Variants in CELSR1 observed in about 807,000 individuals in gnomAD.
The protein encoded by CELSR1 is adhesion G protein-coupled receptor C1.
A neutral mutation model predicts 249.1 loss-of-function variants in CELSR1; 110 were observed. The ratio of observed to expected loss-of-function variants is 0.44; its 90% CI spans 0.38 to 0.52. CELSR1 has a LOEUF of 0.52. Ranked by LOEUF, CELSR1 falls within the 20% of genes least tolerant of loss-of-function variation. The pLI, the probability that CELSR1 is intolerant of heterozygous loss-of-function variation, is 0.00. For missense variants in CELSR1, 4,109 were observed against 4,296.4 expected (o/e 0.96, Z 1.22); for synonymous variants, 2,113 against 1,900.0 (o/e 1.11, Z -2.92).
intron 20 of CELSR1, 94 bp downstream of exon 20, chr22:46,384,449 C>A: frequency 7.2e-7 from 1 of 1,393,538 alleles, no homozygotes. Flanking sequence ...CCCAGATCTT[C>A]AGTGCGCAGG....
chr22:46,364,579 G>T lies in CELSR1; in HGVS notation c.8712C>A (p.Tyr2904Ter). 2 of 1,612,592 alleles carry T rather than the reference G, an allele frequency of 1.2e-6. No individual in the cohort carries two copies. The highest frequency in any genetic ancestry group is 1.7e-6 in the Non-Finnish European group (2 of 1,179,900). Reference protein sequence around the residue: ...REEQGSHRGEYPPDQESGGAA... With the variant: ...REEQGSHRGE The stretch of plus-strand genomic sequence containing the variant: ...CGCCCCCGCTCTCCTGGTCCGGGGG[G>T]TACTCTCCACGGTGACTGCCCTGCT... Residue 2904 changes from tyrosine (Y) to a stop codon, truncating the protein, a stop_gained, in exon 33 of 35, where the codon TAC (tyrosine) becomes TAA (stop). Coordinates refer to ENST00000674500, the MANE Select transcript of CELSR1 (RefSeq NM_001378328.1). LOFTEE classifies it high-confidence loss of function.
rs535396090 is a variant in CELSR1 at position 46,364,175 on chromosome 22, C to G, written c.8856G>C (p.Glu2952Asp). The change falls in exon 34 of 35, where the codon GAG becomes GAC. Residue 2952 changes from glutamate to aspartate, a missense_variant. Physicochemically the swap from Glu to Asp is conservative, Grantham distance 45. Transcript: ENST00000674500. ...GGCTCTGCTCACAGTCGGCCAGCTT[C>G]TCCCGGAGCCGGCCCTTCAGCGTCT... ...TEQTLKGRLR[E>D]KLADCEQSPT... 1.2e-6 allele frequency: 2 copies of G among 1,612,218 alleles called. No individual in the cohort carries two copies.
Position 46,401,045 on chromosome 22 carries a change from C to T in CELSR1, c.5227-1143G>A, listed in dbSNP as rs560856756. Among the ~76,000 whole-genome samples, 1 of 152,000 alleles carries T rather than the reference C, an allele frequency of 6.6e-6. No homozygotes were observed. Among genetic ancestry groups the T allele is most frequent in the Admixed American group, 6.6e-5 (1 of 15,242 alleles). ...TGTCTTATTCTACGGGAAAAAGGAT[C>T]AATCGCTTCATGGAGGTCAAGTAAG... is the stretch of plus-strand genomic sequence containing the variant. On this transcript the variant is annotated intron_variant, in intron 9 of 34. Coordinates refer to ENST00000674500, the MANE Select transcript of CELSR1 (RefSeq NM_001378328.1). This position sits in a 1 kb window ranked among gnomAD's most constrained non-coding sequence, Gnocchi z 4.7.
intron 9 of CELSR1, among the ~76,000 whole-genome samples, chr22:46,405,242 C>T (rs887819219): frequency 3.3e-5 from 5 of 151,050 alleles, no homozygotes; most frequent in Middle Eastern, 3.4e-3. Context: ...GGGTGGATCA[C>T]GAGGTCAGGA....
chr22:46,491,016 G>A (rs1212369408), intron 1 of CELSR1, among the ~76,000 whole-genome samples: 1 of 152,022 alleles, frequency 6.6e-6, no homozygotes, highest in Non-Finnish European at 1.5e-5. Context: ...GTCAGGAGAC[G>A]CCTGCAAATG....
chr22:46,363,252 G>A lies in CELSR1; in HGVS notation c.9036-5C>T, dbSNP rs376419463. 1.9e-4 allele frequency: 309 copies of A among 1,611,162 alleles called. No homozygotes were observed. Among genetic ancestry groups the A allele is most frequent in the Non-Finnish European group, 2.4e-4 (279 of 1,178,188 alleles). ...ATTGAAGTTTCATTACTGCCTCTGC[G>A]CGTGGGAAGAAGCCAGCAAGCAGGT... On this transcript the variant is annotated splice_polypyrimidine_tract_variant and splice_region_variant and intron_variant, in intron 34 of 34. Coordinates refer to ENST00000674500, the MANE Select transcript of CELSR1 (RefSeq NM_001378328.1). The surrounding 1 kb of genome is among the most constrained non-coding windows in gnomAD (Gnocchi z 4.3).
At position 46,534,995 on chromosome 22, in the gene CELSR1, C is replaced by T. The variant is rs1427286813; in HGVS notation, c.2176G>A (p.Gly726Ser). The T allele has an allele frequency of 5.6e-6, 9 of 1,611,996 alleles. No homozygotes were observed. Among genetic ancestry groups the T allele is most frequent in the Non-Finnish European group, 6.8e-6 (8 of 1,179,540 alleles). The change falls in exon 1 of 35, where the codon GGC (glycine) becomes AGC (serine). Residue 726 changes from glycine (G) to serine (S), a missense_variant. By Grantham distance (56) the Gly-to-Ser change is moderately conservative. Around this residue, in one of 7 missense-constraint regions of CELSR1, gnomAD observed 886 missense variants for 896.5 expected, o/e 0.99. Coordinates refer to ENST00000674500, the MANE Select transcript of CELSR1 (RefSeq NM_001378328.1). This position sits in a 1 kb window ranked among gnomAD's most constrained non-coding sequence, Gnocchi z 9.7. ...ANSVITYQLTGGNTRNRFALS... is the reference protein window; with the variant it reads ...ANSVITYQLTSGNTRNRFALS... ...GCAAAGCGGTTCCGGGTGTTGCCGC[C>T]TGTGAGCTGGTAGGTAATCACACTG...
In CELSR1 at chr22:46,464,134, G is replaced by C. The variant is rs779735693; in HGVS notation, c.3756C>G (p.Asp1252Glu). ...TCACGTTCAGGATGTTGGAGCTGAC[G>C]TCGGTGTCGTTCTGGACGTTGAAGA... ...VFVFNVQNDT[D>E]VSSNILNVTF... The change falls in exon 2 of 35, where the codon GAC becomes GAG. Residue 1252 changes from aspartate (D) to glutamate (E), a missense_variant. Around this residue, in one of 7 missense-constraint regions of CELSR1, gnomAD observed 141 missense variants for 209.4 expected, o/e 0.67. Transcript: ENST00000674500. This position sits in a 1 kb window ranked among gnomAD's most constrained non-coding sequence, Gnocchi z 8.5. 2.0e-5 allele frequency: 33 copies of C among 1,613,756 alleles called. No homozygotes were observed. The highest frequency in any genetic ancestry group is 1.2e-4 in the Admixed American group (7 of 60,014).
chr22:46,449,973 C>T (rs528867134), intron 2 of CELSR1, among the ~76,000 whole-genome samples: 1 of 152,168 alleles, frequency 6.6e-6, no homozygotes, highest in Admixed American at 6.5e-5. Context: ...CTCACACACA[C>T]TCACATGCAT....
At position 46,397,860 on chromosome 22, in the gene CELSR1, A is replaced by T; in HGVS notation, c.5527-12T>A. 6.5e-7 allele frequency: 1 copy of T among 1,534,810 alleles called. No individual in the cohort carries two copies. Among genetic ancestry groups the T allele is most frequent in the Non-Finnish European group, 8.8e-7 (1 of 1,135,326 alleles). On this transcript the variant is annotated splice_polypyrimidine_tract_variant and intron_variant, in intron 11 of 34. Transcript: ENST00000674500. ...CCCATCCTCACTCCCTGCATTAAGTAAACGGCACTGGGGCTACAGGAGCCC... is the reference window on the plus strand; with the variant it reads ...CCCATCCTCACTCCCTGCATTAAGTTAACGGCACTGGGGCTACAGGAGCCC...
chr22:46,462,431 T>C (rs1352569473), intron 2 of CELSR1, among the ~76,000 whole-genome samples: 1 of 151,518 alleles, frequency 6.6e-6, no homozygotes, highest in East Asian at 1.9e-4. Flanking sequence ...CCTCTCTCTC[T>C]CTGCTCCCCT....
rs1436453469 is a variant in CELSR1, at chr22:46,434,396, G to C, written c.4523-915C>G. 6.6e-6 allele frequency among the ~76,000 whole-genome samples: 1 copy of C among 152,244 alleles called. No individual in the cohort carries two copies. Among genetic ancestry groups the C allele is most frequent in the East Asian group, 1.9e-4 (1 of 5,180 alleles). On this transcript the variant is annotated intron_variant, in intron 4 of 34. Coordinates refer to ENST00000674500, the MANE Select transcript of CELSR1 (RefSeq NM_001378328.1). This position sits in a 1 kb window ranked among gnomAD's most constrained non-coding sequence, Gnocchi z 4.9. ...ACAGGTGCGGTGGGTACCAGGTCCC[G>C]GGCAGAGAATACCGTCTCCAGGGAA...
chr22:46,420,995 T>A (rs975718697), intron 5 of CELSR1, among the ~76,000 whole-genome samples: 1 of 151,764 alleles, frequency 6.6e-6, no homozygotes, highest in Admixed American at 6.6e-5. Context: ...GATACACGGG[T>A]GGGTGAGAGA....
intron 1 of CELSR1, chr22:46,481,387 A>T (rs528025271): frequency 1.9e-6 from 2 of 1,042,850 alleles, no homozygotes; most frequent in Non-Finnish European, 3.0e-6. Flanking sequence ...GAGCAGGTGC[A>T]TGTGGTCATC....
At position 46,445,165 on chromosome 22, in the gene CELSR1, C is replaced by T. The variant is rs185542411; in HGVS notation, c.4184-5754G>A. ...GAGCCAAGATCACACCACCATAGTC[C>T]AGTCTGGGTGACAAGAGCGAAACTC... On this transcript the variant is annotated intron_variant, in intron 2 of 34. Coordinates refer to ENST00000674500, the MANE Select transcript of CELSR1 (RefSeq NM_001378328.1). The surrounding 1 kb of genome is among the most constrained non-coding windows in gnomAD (Gnocchi z 4.4). Among the ~76,000 whole-genome samples the T allele has an allele frequency of 6.7e-4, 102 of 151,784 alleles. No individual in the cohort carries two copies. Among genetic ancestry groups the T allele is most frequent in the Middle Eastern group, 3.4e-3 (1 of 294 alleles).
In CELSR1 at chr22:46,410,385, C is replaced by T. The variant is rs747382157; in HGVS notation, c.4933+13G>A. ...CACTGCGGCAGCTCCGACGCCCTGA[C>T]GGCCACCCGTACCTTCCCGGGTGCC... On this transcript the variant is annotated intron_variant, in intron 7 of 34. Coordinates refer to ENST00000674500, the MANE Select transcript of CELSR1 (RefSeq NM_001378328.1). The surrounding 1 kb of genome is among the most constrained non-coding windows in gnomAD (Gnocchi z 6.8). 5.0e-6 allele frequency: 8 copies of T among 1,607,626 alleles called. No individual in the cohort carries two copies. The highest frequency in any genetic ancestry group is 1.3e-5 in the African/African-American group (1 of 74,846).
rs112887897 is a variant in CELSR1 at position 46,484,823 on chromosome 22, C to T, written c.3545-20478G>A. ...ATATCATCCTTGTTACTTCCAGGGACGCCTCCCTCCAATTTAGTGAATGGC... is the reference window on the plus strand; with the variant it reads ...ATATCATCCTTGTTACTTCCAGGGATGCCTCCCTCCAATTTAGTGAATGGC... On this transcript the variant is annotated intron_variant, in intron 1 of 34. Transcript: ENST00000674500. The surrounding 1 kb of genome is among the most constrained non-coding windows in gnomAD (Gnocchi z 4.5). Among the ~76,000 whole-genome samples the T allele has an allele frequency of 5.4e-4, 81 of 148,928 alleles. 1 individual carries two copies. Among genetic ancestry groups the T allele is most frequent in the African/African-American group, 1.9e-3 (79 of 40,566 alleles).
At chr22:46,486,410 T>C (rs1408904292) in intron 1 of CELSR1, among the ~76,000 whole-genome samples, 2 of 150,740 alleles carry the variant, frequency 1.3e-5, no homozygotes, top group Non-Finnish European at 1.5e-5. Flanking sequence ...TAGCTGGGCG[T>C]GGTGGTGGGC....
At position 46,534,807 on chromosome 22, in the gene CELSR1, G is replaced by A. The variant is rs113059118; in HGVS notation, c.2364C>T (p.Val788=). ...TCACTGTGTAATGGGAGCTCTGAAA[G>A]ACAGGCCTGTGGGTGTTGGCATCAG... ...NVTDANTHRP[V]FQSSHYTVSV... is the part of the protein sequence containing the mutation. The change falls in exon 1 of 35, where the codon GTC becomes GTT. Residue 788 remains valine (V), a synonymous_variant. Transcript: ENST00000674500. This position sits in a 1 kb window ranked among gnomAD's most constrained non-coding sequence, Gnocchi z 9.7. The A allele has an allele frequency of 6.2e-7, 1 of 1,613,148 alleles. No homozygotes were observed. Among genetic ancestry groups the A allele is most frequent in the Admixed American group, 1.7e-5 (1 of 60,022 alleles).
Sources: allele counts gnomAD v4.1 joint callset (sites outside exome capture counted in the v4.1 genomes callset), GRCh38; gene constraint gnomAD v4.1.1; regional missense constraint gnomAD v4.1.1; non-coding constraint Gnocchi (gnomAD v3.1); transcripts MANE v1.5; gene names NCBI Gene and HGNC (gene_info 2026-07-23, HGNC 2026-07-21).